Variants in ADGRG4 observed in about 807,000 individuals in gnomAD.
ADGRG4 encodes the protein G protein-coupled receptor 112.
Under a neutral mutation model 126.2 loss-of-function variants are expected in ADGRG4, and 122 were observed. That is an observed-to-expected ratio of 0.97 (90% CI 0.83 to 1.12). ADGRG4 has a LOEUF of 1.12. Among genes scored for constraint, ADGRG4 ranks in the 50% most tolerant of loss-of-function variants. The pLI is 0.00. For missense variants in ADGRG4, 2,481 were observed against 2,251.8 expected, an observed-to-expected ratio of 1.10 and a Z score of -2.06; for synonymous variants, 943 against 838.7, an observed-to-expected ratio of 1.12 and a Z score of -2.15.
intron 15 of ADGRG4, among the ~76,000 whole-genome samples, chrX:136,379,371 A>G (rs1029769185): frequency 9.0e-6 from 1 of 110,670 alleles, no homozygotes; most frequent in Non-Finnish European, 1.9e-5. Context: ...TTTGCAACCC[A>G]CAGGTGGTCT....
intron 19 of ADGRG4, among the ~76,000 whole-genome samples, chrX:136,397,051 G>C (rs776710904): frequency 1.4e-4 from 16 of 110,860 alleles, no homozygotes; most frequent in Non-Finnish European, 2.5e-4. Context: ...AGCCTCCCAA[G>C]GTGCTGAGAT....
At chrX:136,323,602 A>ACG (rs2074854553) in intron 5 of ADGRG4, among the ~76,000 whole-genome samples, 1 of 109,953 alleles carries the variant, frequency 9.1e-6, no homozygotes, top group Non-Finnish European at 1.9e-5. Context: ...ACACACACAC[A>ACG]CACACACACA....
intron 1 of ADGRG4, among the ~76,000 whole-genome samples, chrX:136,303,488 A>T (rs768133833): frequency 2.7e-5 from 3 of 111,716 alleles, no homozygotes; most frequent in Non-Finnish European, 5.6e-5. Flanking sequence ...AGACAGAAAG[A>T]AAGAAAGGAG....
At chrX:136,355,106 A>G (rs996157717) in intron 8 of ADGRG4, among the ~76,000 whole-genome samples, 3 of 111,886 alleles carry the variant, frequency 2.7e-5, no homozygotes, top group African/African-American at 9.8e-5. Flanking sequence ...AAGATCAGAG[A>G]GATTCTGTTT....
intron 5 of ADGRG4, among the ~76,000 whole-genome samples, chrX:136,337,082 G>A (rs895261746): frequency 5.4e-5 from 6 of 110,597 alleles, no homozygotes; most frequent in African/African-American, 9.9e-5. Context: ...CTCCTGTCTC[G>A]GTTTCCCAAG....
At chrX:136,331,818 ATTTT>A (rs781588407) in intron 5 of ADGRG4, among the ~76,000 whole-genome samples, 1 of 96,595 alleles carries the variant, frequency 1.0e-5, no homozygotes, top group Non-Finnish European at 2.1e-5. Flanking sequence ...ATATATTCTA[ATTTT>A]TTTTTTTTTT....
intron 8 of ADGRG4, among the ~76,000 whole-genome samples, chrX:136,354,341 A>G (rs1348111796): frequency 8.9e-6 from 1 of 111,871 alleles, no homozygotes; most frequent in African/African-American, 3.2e-5. Context: ...TGGCAGGTTC[A>G]GTGTCTGGTG....
chrX:136,324,974 T>C, intron 5 of ADGRG4, among the ~76,000 whole-genome samples: 1 of 112,030 alleles, frequency 8.9e-6, no homozygotes, highest in East Asian at 2.8e-4. Context: ...TACACCTGTA[T>C]TTGTCTCCTC....
intron 5 of ADGRG4, among the ~76,000 whole-genome samples, chrX:136,332,000 T>C (rs1301857840): frequency 2.7e-5 from 3 of 109,368 alleles, no homozygotes; most frequent in Non-Finnish European, 5.7e-5. Flanking sequence ...GTATTTTTTT[T>C]TAATTTTTAT....
At chrX:136,405,585 G>T (rs144327576) in intron 22 of ADGRG4, 107 bp from the exon 23 acceptor site, 4 of 594,129 alleles carry the variant, frequency 6.7e-6, no homozygotes, top group Non-Finnish European at 9.9e-6. Flanking sequence ...ATTTCTCTAG[G>T]GCAGATGCCC....
At position 136,351,995 on chromosome X, in the gene ADGRG4, A is replaced by C. The variant is rs181938478; in HGVS notation, c.6822+454A>C. On this transcript the variant is annotated intron_variant, in intron 7 of 25. Transcript: ENST00000394143. ...TTAATTTTTTCTTGATATGACTAAT[A>C]CATACTCTCTGTAACAAAATCAGAC... 5.1e-4 allele frequency among the ~76,000 whole-genome samples: 57 copies of C among 111,776 alleles called. No homozygotes were observed. In the Admixed American group the frequency reaches 5.2e-3, roughly 10 times the overall value.
rs2075002248 is a variant in ADGRG4, at chrX:136,344,833, C to T, written c.1127C>T (p.Thr376Ile). The T allele has an allele frequency of 1.7e-6, 2 of 1,207,822 alleles. No individual in the cohort carries two copies. The highest frequency in any genetic ancestry group is 1.1e-6 in the Non-Finnish European group (1 of 891,809). The change falls in exon 6 of 26, where the codon ACA becomes ATA. Residue 376 changes from threonine (T) to isoleucine (I), a missense_variant. Coordinates refer to ENST00000394143, the MANE Select transcript of ADGRG4 (RefSeq NM_153834.4). ...CCTACACCTTCTAATTTCCTATCCA[C>T]ATCCAGATTTACCAAGAATTCAGTT... ...QPPTPSNFLS[T>I]SRFTKNSVVS...
chrX:136,381,364 A>C (rs2075263083), intron 15 of ADGRG4, among the ~76,000 whole-genome samples: 1 of 109,719 alleles, frequency 9.1e-6, no homozygotes, highest in African/African-American at 3.3e-5. Context: ...TGATCCTCCC[A>C]CCTCAGCCTC....
intron 15 of ADGRG4, among the ~76,000 whole-genome samples, chrX:136,380,282 C>T (rs1603298500): frequency 9.0e-6 from 1 of 110,919 alleles, no homozygotes; most frequent in African/African-American, 3.3e-5. Flanking sequence ...ATTTGTCAAC[C>T]TCTGATTTAT....
rs1312824705 is a variant in ADGRG4, at chrX:136,380,655, CTCCTCCTCCTCCTCT to C, written c.7777-7070_7777-7056del. 8.1e-3 allele frequency among the ~76,000 whole-genome samples: 554 copies of C among 68,259 alleles called. 9 individuals carry two copies. Among genetic ancestry groups the C allele is most frequent in the African/African-American group, 0.023 (405 of 17,675 alleles). 59.3% of individuals were successfully genotyped at this position (68,259 alleles called of 115,157 possible). On this transcript the variant is annotated intron_variant, in intron 15 of 25. Transcript: ENST00000394143. Reference sequence around the variant, plus strand: ...CTTCTTCTTCTTCTTCTTCTTCCTCCTCCTCCTCCTCCTCTTCCTCCTCCTCCTCCTCCTTCTTCT... The same window carrying C: ...CTTCTTCTTCTTCTTCTTCTTCCTCCTCCTCCTCCTCCTCCTCCTTCTTCT...
In ADGRG4 at chrX:136,349,763, T is replaced by G. The variant is rs2075047240; in HGVS notation, c.6057T>G (p.Pro2019=). The G allele has an allele frequency of 7.4e-6, 9 of 1,209,885 alleles. No homozygotes were observed. Among genetic ancestry groups the G allele is most frequent in the Non-Finnish European group, 1.0e-5 (9 of 894,493 alleles). Residue 2019 remains proline, a synonymous_variant, in exon 6 of 26, where the codon CCT becomes CCG. Coordinates refer to ENST00000394143, the MANE Select transcript of ADGRG4 (RefSeq NM_153834.4). ...TATCTAGTCTCCCTTCTGGCTCCCC[T>G]CCGGCAACTGTATCTAATGCCCCTC... ...WLLSSLPSGS[P]PATVSNAPHV... is the part of the protein sequence containing the mutation.
chrX:136,351,732 A>G (rs761419792), intron 7 of ADGRG4, among the ~76,000 whole-genome samples, 191 bp downstream of exon 7: 2 of 109,357 alleles, frequency 1.8e-5, no homozygotes, highest in Non-Finnish European at 3.8e-5. Flanking sequence ...AATGTATGCA[A>G]TCTCTCTTTC....
At chrX:136,395,527 T>A in intron 19 of ADGRG4, 34 bp downstream of exon 19, 1 of 837,593 alleles carries the variant, frequency 1.2e-6, no homozygotes, top group Non-Finnish European at 1.8e-6. Context: ...TCGATGGAAG[T>A]TTGACAATTT....
At chrX:136,302,532 A>C (rs759654094) in intron 1 of ADGRG4, among the ~76,000 whole-genome samples, 1 of 112,093 alleles carries the variant, frequency 8.9e-6, no homozygotes, top group South Asian at 3.8e-4. Flanking sequence ...CCCCAGCTGC[A>C]ACATTAAATG....
Sources: gnomAD v4.1 joint callset for allele counts (sites outside exome capture counted in the v4.1 genomes callset) on GRCh38, gnomAD v4.1.1 for gene constraint, MANE v1.5 for transcripts, NCBI Gene and HGNC (gene_info 2026-07-23, HGNC 2026-07-21) for gene names.